The following SMAP2 variants were observed in gnomAD, a reference collection of about 807,000 sequenced individuals.
SMAP2 encodes small ArfGAP2.
In SMAP2, 25 loss-of-function variants were observed where a neutral mutation model predicts 56.4. The ratio of observed to expected loss-of-function variants is 0.44; its 90% CI spans 0.32 to 0.62. The LOEUF (loss-of-function observed/expected upper bound fraction) is 0.62. SMAP2 is among the 20% of genes least tolerant of loss of function. The pLI is 0.04. For missense variants in SMAP2, 388 were observed against 545.6 expected, an observed-to-expected ratio of 0.71 and a Z score of 2.88; for synonymous variants, 157 against 181.7, an observed-to-expected ratio of 0.86 and a Z score of 1.09.
Position 40,409,776 on chromosome 1 carries a change from C to T in SMAP2, c.343C>T (p.Arg115Ter), listed in dbSNP as rs772163586. Residue 115 changes from arginine to a stop codon, truncating the protein, a stop_gained, in exon 4 of 10, where the codon CGA becomes TGA. Coordinates refer to ENST00000372718, the MANE Select transcript of SMAP2 (RefSeq NM_022733.3). LOFTEE classifies it high-confidence loss of function. ...QIDPAVEGFI[R>*]DKYEKKKYMD... ...TTGCAGAGCTGTTGAAGGATTTATTCGAGACAAATATGAGAAGAAGAAATA... is the reference window on the plus strand; with the variant it reads ...TTGCAGAGCTGTTGAAGGATTTATTTGAGACAAATATGAGAAGAAGAAATA... 5 of 1,612,544 alleles carry T rather than the reference C, an allele frequency of 3.1e-6. No homozygotes were observed. Among genetic ancestry groups the T allele is most frequent in the South Asian group, 1.1e-5 (1 of 91,038 alleles).
Position 40,413,088 on chromosome 1 carries a change from G to C in SMAP2, c.475G>C (p.Glu159Gln), listed in dbSNP as rs1175807591. The C allele has an allele frequency of 1.2e-6, 2 of 1,613,782 alleles. No individual in the cohort carries two copies. The highest frequency in any genetic ancestry group is 1.7e-6 in the Non-Finnish European group (2 of 1,179,746). The change falls in exon 5 of 10, where the codon GAG becomes CAG. Residue 159 changes from glutamate (E) to glutamine (Q), a missense_variant. Physicochemically the swap from Glu to Gln is conservative, Grantham distance 29 (BLOSUM62 2). Transcript: ENST00000372718. ...AAAAAAATTGGAACCTGTTGTTTTT[G>C]AGAAGGTGAAAATGGTAAGTTGGGA... is the stretch of plus-strand genomic sequence containing the variant. Reference protein sequence around the residue: ...PEKKLEPVVFEKVKMPQKKED... With the variant: ...PEKKLEPVVFQKVKMPQKKED...
chr1:40,380,554 G>A (rs1198739491), intron 1 of SMAP2, among the ~76,000 whole-genome samples: 3 of 91,324 alleles, frequency 3.3e-5, no homozygotes, highest in African/African-American at 1.4e-4. Flanking sequence ...TTTTGAGATG[G>A]AGTCTCGCTC....
Position 40,404,047 on chromosome 1 carries a change from A to AGGTTACAG in SMAP2, c.104-2689_104-2688insGGTTACAG, listed in dbSNP as rs1569897081. ...GAGGAGTTTGAGGTTACAGTGAACC[A>AGGTTACAG]TGATCTTGCCTCTGCATTCCAGCCT... On this transcript the variant is annotated intron_variant, in intron 1 of 9. Transcript: ENST00000372718. Among the ~76,000 whole-genome samples the AGGTTACAG allele has an allele frequency of 3.3e-5, 5 of 152,360 alleles. No homozygotes were observed. In the East Asian group the frequency reaches 9.6e-4, roughly 29 times the overall value.
upstream of SMAP2, among the ~76,000 whole-genome samples, chr1:40,371,377 A>G (rs914299460): frequency 6.6e-6 from 1 of 152,178 alleles, no homozygotes; most frequent in African/African-American, 2.4e-5. Context: ...GCTATTAGTA[A>G]TGATAATAAA....
At chr1:40,409,043 G>C (rs1401131996) in intron 3 of SMAP2, among the ~76,000 whole-genome samples, 1 of 152,210 alleles carries the variant, frequency 6.6e-6, no homozygotes, top group Non-Finnish European at 1.5e-5. Context: ...ACTATTGTTT[G>C]ATTAAAAAGA....
In SMAP2 at chr1:40,374,078, C is replaced by A; in HGVS notation, c.-43C>A. The A allele has an allele frequency of 2.0e-6, 3 of 1,493,234 alleles. No individual in the cohort carries two copies. The highest frequency in any genetic ancestry group is 2.8e-6 in the Non-Finnish European group (3 of 1,082,178). The allele number at this position is 1,493,234 out of a possible 1,614,324, so 92.5% of individuals were successfully genotyped here. The stretch of plus-strand genomic sequence containing the variant: ...GGACTGAGGCAGGGGTCTCTGGGGG[C>A]GAGGAGGGCGCGTCGCCCTCTGCCC... On this transcript the variant is annotated 5_prime_UTR_variant, in exon 1 of 10. Transcript: ENST00000372718. The surrounding 1 kb of genome is among the most constrained non-coding windows in gnomAD (Gnocchi z 5.9).
chr1:40,378,243 C>G (rs1222189676), intron 1 of SMAP2, among the ~76,000 whole-genome samples: 1 of 152,162 alleles, frequency 6.6e-6, no homozygotes, highest in Non-Finnish European at 1.5e-5. Flanking sequence ...TCCCACTTAG[C>G]CTCCCAAAGT....
intron 1 of SMAP2, among the ~76,000 whole-genome samples, chr1:40,388,499 C>A (rs1459097667): frequency 3.3e-5 from 5 of 151,902 alleles, no homozygotes; most frequent in African/African-American, 1.2e-4. Context: ...ACTTGGAGAA[C>A]CTTTGTGTGG....
chr1:40,399,789 T>A (rs1569887046), intron 1 of SMAP2, among the ~76,000 whole-genome samples: 1 of 151,988 alleles, frequency 6.6e-6, no homozygotes, highest in Middle Eastern at 3.4e-3. Flanking sequence ...AAAGTCCTTA[T>A]CTTTTAGAGA....
chr1:40,390,342 A>G (rs1644704087), intron 1 of SMAP2, among the ~76,000 whole-genome samples: 1 of 152,232 alleles, frequency 6.6e-6, no homozygotes, highest in African/African-American at 2.4e-5. Context: ...GTGTTAGGAA[A>G]GCTGCTGTGC....
At chr1:40,414,430 G>A (rs1644967586) in intron 6 of SMAP2, among the ~76,000 whole-genome samples, 190 bp downstream of exon 6, 2 of 152,200 alleles carry the variant, frequency 1.3e-5, no homozygotes, top group African/African-American at 4.8e-5. Context: ...ACACTTTTCA[G>A]AGCGACAGTG....
chr1:40,416,448 C>T, intron 8 of SMAP2, 107 bp downstream of exon 8: 1 of 1,311,090 alleles, frequency 7.6e-7, no homozygotes, highest in Non-Finnish European at 1.1e-6. Context: ...GCCAGGATGT[C>T]ATACACCAAA....
chr1:40,419,004 C>T (rs927875611), intron 9 of SMAP2, among the ~76,000 whole-genome samples: 1 of 152,090 alleles, frequency 6.6e-6, no homozygotes, highest in Non-Finnish European at 1.5e-5. Flanking sequence ...GAATCTAAGA[C>T]TAAAACAAAG....
chr1:40,393,702 T>C (rs1267721979), intron 1 of SMAP2, among the ~76,000 whole-genome samples: 1 of 151,944 alleles, frequency 6.6e-6, no homozygotes, highest in East Asian at 1.9e-4. Context: ...TGAGCCACAA[T>C]GCCTGGCTAA....
chr1:40,363,724 C>G (rs1644468432), intron 2 of SMAP2, among the ~76,000 whole-genome samples: 1 of 152,180 alleles, frequency 6.6e-6, no homozygotes, highest in Admixed American at 6.5e-5. Context: ...TCTTGAATTG[C>G]TGATGCCACT....
chr1:40,405,001 A>G (rs941535419), intron 1 of SMAP2, among the ~76,000 whole-genome samples: 35 of 152,224 alleles, frequency 2.3e-4, no homozygotes, highest in African/African-American at 8.0e-4. Flanking sequence ...TATTGGGATA[A>G]AATTTCAGGC....
At chr1:40,406,080 A>C (rs959526266) in intron 1 of SMAP2, among the ~76,000 whole-genome samples, 1 of 152,202 alleles carries the variant, frequency 6.6e-6, no homozygotes, top group African/African-American at 2.4e-5. Flanking sequence ...CAAGCATGCC[A>C]TATCTATCTT....
chr1:40,383,778 A>G (rs1031400605), intron 1 of SMAP2, among the ~76,000 whole-genome samples: 2 of 152,226 alleles, frequency 1.3e-5, no homozygotes, highest in African/African-American at 4.8e-5. Context: ...AGTCTTAGGT[A>G]TGGTGTATCC....
intron 1 of SMAP2, among the ~76,000 whole-genome samples, chr1:40,377,920 A>AT (rs2124214952): frequency 6.6e-6 from 1 of 152,358 alleles, no homozygotes; most frequent in Admixed American, 6.5e-5. Context: ...AGTCCCTGAT[A>AT]TAAATGTTGT....
Sources: gnomAD v4.1 joint callset for allele counts (sites outside exome capture counted in the v4.1 genomes callset) on GRCh38, gnomAD v4.1.1 for gene constraint, Gnocchi (gnomAD v3.1) non-coding constraint, MANE v1.5 for transcripts, NCBI Gene and HGNC (gene_info 2026-07-23, HGNC 2026-07-21) for gene names.